The following PSME4 variants were observed in gnomAD, a reference collection of about 807,000 sequenced individuals.
PSME4 encodes proteasome activator complex subunit 4.
PSME4 carries 89 observed loss-of-function variants against 253.9 expected under a neutral mutation model. That is an observed-to-expected ratio of 0.35 (90% CI 0.30 to 0.42). The LOEUF (loss-of-function observed/expected upper bound fraction) is 0.42. Ranked by LOEUF, PSME4 falls within the 10% of genes least tolerant of loss-of-function variation. PSME4 has a pLI of 1.00. For synonymous variants in PSME4, 851 were observed against 759.2 expected (o/e 1.12, Z -1.99); for missense variants, 2,014 against 2,195.2 (o/e 0.92, Z 1.65).
At chr2:53,880,047 A>C (rs948619273) in intron 41 of PSME4, among the ~76,000 whole-genome samples, 8 of 152,216 alleles carry the variant, frequency 5.3e-5, no homozygotes, top group African/African-American at 1.9e-4. Flanking sequence ...GAAGTAATTT[A>C]ACCACATCTC....
intron 31 of PSME4, 29 bp downstream of exon 31, chr2:53,897,841 C>A (rs1227550956): frequency 6.2e-7 from 1 of 1,607,222 alleles, no homozygotes; most frequent in Admixed American, 1.7e-5. Flanking sequence ...TTCTCAAACC[C>A]AAGACTGTAG....
chr2:53,899,753 G>A (rs2104433831), intron 29 of PSME4, 128 bp downstream of exon 29: 1 of 1,135,194 alleles, frequency 8.8e-7, no homozygotes, highest in Non-Finnish European at 1.3e-6. Flanking sequence ...AGGAGGTGAA[G>A]GTTGCAGTGA....
At chr2:53,957,960 T>C (rs1457538954) in intron 1 of PSME4, among the ~76,000 whole-genome samples, 1 of 152,078 alleles carries the variant, frequency 6.6e-6, no homozygotes, top group Non-Finnish European at 1.5e-5. Context: ...CCAGGAGCAG[T>C]GGCTCACTTG....
rs750080473 is a variant in PSME4 at position 53,875,629 on chromosome 2, G to C, written c.4942C>G (p.Gln1648Glu). The stretch of plus-strand genomic sequence containing the variant: ...ATAAATATTATAAACACTCTTACTT[G>C]TTTTAGCACCTGAAGTACCAAAGGC... ...QVPLVLQVLK[Q>E]TARSSSWHAR... The change falls in exon 42 of 47, where the codon CAA becomes GAA. Residue 1648 changes from glutamine (Q) to glutamate (E), a missense_variant and splice_region_variant. By Grantham distance (29) the Gln-to-Glu change is conservative. Coordinates refer to ENST00000404125, the MANE Select transcript of PSME4 (RefSeq NM_014614.3). 6.2e-7 allele frequency: 1 copy of C among 1,601,498 alleles called. No individual in the cohort carries two copies. Among genetic ancestry groups the C allele is most frequent in the South Asian group, 1.1e-5 (1 of 87,982 alleles).
chr2:53,923,203 A>C, intron 15 of PSME4, 85 bp from the exon 16 acceptor site: 1 of 1,474,058 alleles, frequency 6.8e-7, no homozygotes, highest in Non-Finnish European at 9.2e-7. Context: ...AAAGGCTGTA[A>C]ATAAGCAGCT....
chr2:53,913,513 T>C (rs1168107655), intron 20 of PSME4, among the ~76,000 whole-genome samples: 1 of 152,220 alleles, frequency 6.6e-6, no homozygotes, highest in African/African-American at 2.4e-5. Flanking sequence ...GAACATCCTA[T>C]CTTCCCAATA....
chr2:53,892,784 T>C, intron 36 of PSME4, 24 bp downstream of exon 36: 3 of 1,596,338 alleles, frequency 1.9e-6, no homozygotes, highest in Non-Finnish European at 2.6e-6. Context: ...CAGGAAATGT[T>C]CTGTACAAAT....
Position 53,904,068 on chromosome 2 carries a change from A to T in PSME4, c.3032T>A (p.Phe1011Tyr), listed in dbSNP as rs1254795336. The T allele has an allele frequency of 6.2e-7, 1 of 1,613,924 alleles. No homozygotes were observed. Among genetic ancestry groups the T allele is most frequent in the Non-Finnish European group, 8.5e-7 (1 of 1,179,894 alleles). ...AACACCTTGTCTATCAGGCCTTAAGAACTCCAAAACCAAGGGAATGATATC... is the reference window on the plus strand; with the variant it reads ...AACACCTTGTCTATCAGGCCTTAAGTACTCCAAAACCAAGGGAATGATATC... ...CRDIIPLVLEFLRPDRQGVTQ... is the reference protein window; with the variant it reads ...CRDIIPLVLEYLRPDRQGVTQ... Residue 1011 changes from phenylalanine to tyrosine, a missense_variant, in exon 27 of 47, where the codon TTC (phenylalanine) becomes TAC (tyrosine). Transcript: ENST00000404125.
intron 29 of PSME4, among the ~76,000 whole-genome samples, chr2:53,899,509 T>G (rs561532010): frequency 1.3e-5 from 2 of 152,276 alleles, no homozygotes; most frequent in African/African-American, 4.8e-5. Context: ...TACATCTATA[T>G]TTTAGAGATG....
In PSME4 at chr2:53,877,876, T is replaced by G. The variant is rs944307919; in HGVS notation, c.4816-2121A>C. On this transcript the variant is annotated intron_variant, in intron 41 of 46. Coordinates refer to ENST00000404125, the MANE Select transcript of PSME4 (RefSeq NM_014614.3). ...AATGCTGAGCTTTAAATATTTTACC[T>G]CAGTTAATATAATCCTTGGTATTTT... Among the ~76,000 whole-genome samples the G allele has an allele frequency of 4.6e-5, 7 of 152,330 alleles. No individual in the cohort carries two copies. The East Asian group carries it at 1.3e-3, about 29-fold the overall frequency.
At chr2:53,868,482 A>AAT (rs561721048) in intron 44 of PSME4, among the ~76,000 whole-genome samples, 2,373 of 84,352 alleles carry the variant, frequency 0.028, 69 homozygotes, top group African/African-American at 0.09. Flanking sequence ...ATATATTTAT[A>AAT]ATATATATAT....
intron 13 of PSME4, 61 bp downstream of exon 13, chr2:53,925,898 T>C (rs1668535807): frequency 1.3e-6 from 2 of 1,505,130 alleles, no homozygotes. Context: ...CTAAACTTTC[T>C]GGGATAGAAG....
intron 8 of PSME4, among the ~76,000 whole-genome samples, chr2:53,934,063 A>C (rs1033285761): frequency 6.6e-6 from 1 of 152,224 alleles, no homozygotes; most frequent in African/African-American, 2.4e-5. Flanking sequence ...TGAATGATAA[A>C]CTAGATAATT....
chr2:53,940,196 C>A (rs1011021217), intron 3 of PSME4, among the ~76,000 whole-genome samples, 196 bp from the exon 4 acceptor site: 5 of 152,074 alleles, frequency 3.3e-5, no homozygotes, highest in African/African-American at 1.2e-4. Context: ...CTTTCCTTTG[C>A]CCTCATTTCG....
intron 1 of PSME4, among the ~76,000 whole-genome samples, chr2:53,959,172 TTTGTATTTTTTACTGATTA>T (rs1279137317): frequency 6.6e-6 from 1 of 152,020 alleles, no homozygotes; most frequent in Non-Finnish European, 1.5e-5. Flanking sequence ...CAAAAATTAT[TTTGTATTTTTTACTGATTA>T]TTGTATTTTT....
At position 53,909,395 on chromosome 2, in the gene PSME4, A is replaced by G. The variant is rs1251994006; in HGVS notation, c.2573-555T>C. Among the ~76,000 whole-genome samples the G allele has an allele frequency of 6.6e-5, 10 of 152,316 alleles. No individual in the cohort carries two copies. The South Asian group carries it at 2.1e-3, about 32-fold the overall frequency. On this transcript the variant is annotated intron_variant, in intron 21 of 46. Transcript: ENST00000404125. ...TTAATTTACTATGATAGGAAGGTAT[A>G]AAGTTTTTTTAAATATAGGGTTACA...
chr2:53,907,932 A>G (rs757692755), intron 24 of PSME4: 8 of 162,322 alleles, frequency 4.9e-5, no homozygotes, highest in Non-Finnish European at 8.0e-5. Context: ...GAAGCTTACA[A>G]TGACTTCTGC....
chr2:53,921,758 C>T (rs1265594757), intron 17 of PSME4, among the ~76,000 whole-genome samples: 7 of 137,906 alleles, frequency 5.1e-5, no homozygotes, highest in Admixed American at 1.4e-4. Context: ...GTCCCAGCTA[C>T]TTGGGAGGCT....
At chr2:53,950,536 A>T (rs983740677) in intron 1 of PSME4, among the ~76,000 whole-genome samples, 1 of 152,180 alleles carries the variant, frequency 6.6e-6, no homozygotes, top group Non-Finnish European at 1.5e-5. Flanking sequence ...ACTTTAAGCA[A>T]ATTTAAGAAA....
Sources: allele counts gnomAD v4.1 joint callset (sites outside exome capture counted in the v4.1 genomes callset), GRCh38; gene constraint gnomAD v4.1.1; transcripts MANE v1.5; gene names NCBI Gene and HGNC (gene_info 2026-07-23, HGNC 2026-07-21).